IRAG1: variants seen among roughly 807,000 people sequenced by gnomAD.
IRAG1 encodes the protein IP3R-associated cGMP kinase substrate.
In IRAG1, 62 loss-of-function variants were observed where a neutral mutation model predicts 106.2. The observed-to-expected ratio is 0.58, with a 90% CI of 0.48 to 0.72. IRAG1 has a LOEUF of 0.72. Ranked by LOEUF, IRAG1 falls within the 30% of genes least tolerant of loss-of-function variation. The probability of loss-of-function intolerance (pLI) is 0.00; values close to 1 mark genes in which losing one functional copy is unlikely to be tolerated. For missense variants in IRAG1, 1,064 were observed against 1,140.7 expected (o/e 0.93, Z 0.97); for synonymous variants, 462 against 443.9 (o/e 1.04, Z -0.51).
intron 2 of IRAG1, among the ~76,000 whole-genome samples, chr11:10,637,776 G>T (rs1225053801): frequency 6.6e-6 from 1 of 152,080 alleles, no homozygotes; most frequent in East Asian, 1.9e-4. Flanking sequence ...ATGATCTGGG[G>T]CCCCGAGGAC....
intron 10 of IRAG1, 107 bp downstream of exon 10, chr11:10,623,671 T>A: frequency 9.5e-7 from 1 of 1,050,786 alleles, no homozygotes; most frequent in Admixed American, 1.9e-5. Flanking sequence ...CAGCAAATGT[T>A]TCCTGAGGAA....
intron 16 of IRAG1, 31 bp downstream of exon 16, chr11:10,594,115 A>G: frequency 6.3e-7 from 1 of 1,585,756 alleles, no homozygotes; most frequent in East Asian, 2.3e-5. Context: ...TACTCCTTCC[A>G]GGAGCCCTGG....
chr11:10,629,519 G>C lies in IRAG1; in HGVS notation c.574+19C>G, dbSNP rs552512709. On this transcript the variant is annotated intron_variant, in intron 5 of 20. Coordinates refer to ENST00000423302, the MANE Select transcript of IRAG1 (RefSeq NM_130385.4). ...CTAGAGGGGCTCAGGGCAGCCACCT[G>C]TACATCCTGCCACCCTACCTGATGG... 1.9e-6 allele frequency: 3 copies of C among 1,608,198 alleles called. No individual in the cohort carries two copies. The African/African-American group carries it at 4.0e-5, about 21-fold the overall frequency.
At chr11:10,643,383 A>G (rs1393405345) in intron 2 of IRAG1, among the ~76,000 whole-genome samples, 4 of 152,090 alleles carry the variant, frequency 2.6e-5, no homozygotes, top group African/African-American at 9.7e-5. Flanking sequence ...CCTCCCTTGC[A>G]CCAAGGGCCT....
chr11:10,579,660 G>A (rs918412740), intron 20 of IRAG1, among the ~76,000 whole-genome samples: 3 of 151,922 alleles, frequency 2.0e-5, no homozygotes, highest in African/African-American at 4.8e-5. Context: ...ATCCCTAAGC[G>A]TGAACTTCTA....
chr11:10,648,048 C>A (rs567965801), intron 2 of IRAG1, among the ~76,000 whole-genome samples: 1 of 152,224 alleles, frequency 6.6e-6, no homozygotes, highest in East Asian at 1.9e-4. Context: ...AGGCGGTGAG[C>A]TTTTCATTAT....
At chr11:10,590,566 A>T (rs542076959) in intron 18 of IRAG1, among the ~76,000 whole-genome samples, 1 of 152,372 alleles carries the variant, frequency 6.6e-6, no homozygotes. Context: ...GCAAGGAAGA[A>T]GGAAGAATAA....
intron 1 of IRAG1, among the ~76,000 whole-genome samples, chr11:10,656,845 G>T (rs1858962688): frequency 6.6e-6 from 1 of 152,090 alleles, no homozygotes. Flanking sequence ...AGTTCTGCTT[G>T]AGTGTGGCAG....
intron 1 of IRAG1, among the ~76,000 whole-genome samples, chr11:10,680,404 G>GGAAAGGAAGGAAA (rs1554935661): frequency 1.2e-5 from 1 of 82,090 alleles, no homozygotes; most frequent in Non-Finnish European, 2.2e-5. Flanking sequence ...AAGGAAGGAA[G>GGAAAGGAAGGAAA]GAAAGAAAGG....
chr11:10,598,445 G>C (rs1853575703), intron 15 of IRAG1, among the ~76,000 whole-genome samples: 1 of 152,226 alleles, frequency 6.6e-6, no homozygotes, highest in Non-Finnish European at 1.5e-5. Context: ...TACATGTGAA[G>C]AGTTCATATA....
At chr11:10,693,468 G>C (rs966744277) in intron 1 of IRAG1, 68 bp downstream of exon 1, 17 of 1,532,338 alleles carry the variant, frequency 1.1e-5, no homozygotes, top group Middle Eastern at 1.7e-4. Flanking sequence ...GTACCTTTAA[G>C]GAAGAGAAGG....
intron 10 of IRAG1, among the ~76,000 whole-genome samples, chr11:10,620,631 TATTG>T (rs1855765250): frequency 1.3e-5 from 2 of 152,186 alleles, no homozygotes; most frequent in Non-Finnish European, 2.9e-5. Flanking sequence ...CAATGACAAT[TATTG>T]ATTATTCTTA....
intron 10 of IRAG1, among the ~76,000 whole-genome samples, chr11:10,615,331 G>C (rs1226737601): frequency 1.3e-5 from 2 of 152,224 alleles, no homozygotes; most frequent in Admixed American, 1.3e-4. Context: ...TACACTGTTG[G>C]TGGGACTATG....
At chr11:10,689,142 T>C (rs1428432055) in intron 1 of IRAG1, among the ~76,000 whole-genome samples, 1 of 152,194 alleles carries the variant, frequency 6.6e-6, no homozygotes, top group Non-Finnish European at 1.5e-5. Context: ...AATAGAGTTA[T>C]AAAAATAAAT....
chr11:10,593,778 T>A (rs1027904066), intron 16 of IRAG1, 179 bp from the exon 17 acceptor site: 1 of 593,402 alleles, frequency 1.7e-6, no homozygotes, highest in African/African-American at 1.9e-5. Context: ...GACCCAAATT[T>A]TCTGTTGTTG....
At chr11:10,686,372 T>C (rs1861658827) in intron 1 of IRAG1, among the ~76,000 whole-genome samples, 2 of 152,160 alleles carry the variant, frequency 1.3e-5, no homozygotes, top group Admixed American at 1.3e-4. Flanking sequence ...AGACACACAA[T>C]GTAGGACATG....
intron 18 of IRAG1, among the ~76,000 whole-genome samples, chr11:10,582,503 G>A (rs901353247): frequency 6.6e-5 from 10 of 152,214 alleles, no homozygotes; most frequent in African/African-American, 2.4e-4. Context: ...GAAAAAATAT[G>A]TGATTAATTA....
intron 18 of IRAG1, among the ~76,000 whole-genome samples, chr11:10,587,920 A>G (rs1179696154): frequency 6.6e-6 from 1 of 152,224 alleles, no homozygotes; most frequent in East Asian, 1.9e-4. Context: ...CAGGCAAGTG[A>G]CGATTTCTCT....
intron 1 of IRAG1, among the ~76,000 whole-genome samples, chr11:10,692,989 A>C (rs1051234728): frequency 6.6e-6 from 1 of 152,170 alleles, no homozygotes; most frequent in Admixed American, 6.5e-5. Context: ...AGCTGGAGAC[A>C]AAAGAGGAGA....
Sources: gnomAD v4.1 joint callset for allele counts (sites outside exome capture counted in the v4.1 genomes callset) on GRCh38, gnomAD v4.1.1 for gene constraint, MANE v1.5 for transcripts, NCBI Gene and HGNC (gene_info 2026-07-23, HGNC 2026-07-21) for gene names.